MICU1: variants seen among roughly 807,000 people sequenced by gnomAD.
MICU1 encodes the protein calcium uptake protein 1, mitochondrial.
A neutral mutation model predicts 56.8 loss-of-function variants in MICU1; 45 were observed. The ratio of observed to expected loss-of-function variants is 0.79; its 90% confidence interval spans 0.62 to 1.02. The LOEUF (loss-of-function observed/expected upper bound fraction) is 1.02, where lower values mean the gene tolerates loss of function less well. Ranked by LOEUF, MICU1 falls within the 50% of genes least tolerant of loss-of-function variation. The pLI is 0.00. For missense variants in MICU1, 504 were observed against 587.1 expected, an observed-to-expected ratio of 0.86 and a Z score of 1.46; for synonymous variants, 186 against 195.1, an observed-to-expected ratio of 0.95 and a Z score of 0.39.
chr10:72,473,379 TGA>T, intron 8 of MICU1: 1 of 152,354 alleles, frequency 6.6e-6, no homozygotes, highest in African/African-American at 2.4e-5. Flanking sequence ...GCAGTCTCAC[TGA>T]GAGCTTTTGC....
At chr10:72,549,313 C>T (rs1471301434) in intron 4 of MICU1, among the ~76,000 whole-genome samples, 1 of 151,660 alleles carries the variant, frequency 6.6e-6, no homozygotes, top group Non-Finnish European at 1.5e-5. Flanking sequence ...ACCTCCGCCT[C>T]CCAAGTAGCT....
intron 10 of MICU1, among the ~76,000 whole-genome samples, chr10:72,387,596 G>C (rs1370581575): frequency 6.6e-6 from 1 of 152,006 alleles, no homozygotes; most frequent in Non-Finnish European, 1.5e-5. Flanking sequence ...GCTTCTGAAG[G>C]CAGAGACACC....
At chr10:72,415,960 C>T (rs1863969680) in intron 9 of MICU1, among the ~76,000 whole-genome samples, 1 of 152,108 alleles carries the variant, frequency 6.6e-6, no homozygotes, top group Non-Finnish European at 1.5e-5. Context: ...GATAATTCTA[C>T]CTAGTATCTA....
rs1867210641 is a variant in MICU1, at chr10:72,505,364, G to A, written c.652+2791C>T. On this transcript the variant is annotated intron_variant, in intron 6 of 11. Coordinates refer to ENST00000361114, the MANE Select transcript of MICU1 (RefSeq NM_001195518.2). ...GGGAATCCTCATACACTGTTGGTGGGAATGTAAATCACTTCAGCCACTGTG... is the reference window on the plus strand; with the variant it reads ...GGGAATCCTCATACACTGTTGGTGGAAATGTAAATCACTTCAGCCACTGTG... Among the ~76,000 whole-genome samples, 3 of 152,112 alleles carry A rather than the reference G, an allele frequency of 2.0e-5. No homozygotes were observed. In the South Asian group the frequency reaches 6.2e-4, roughly 32 times the overall value.
rs533702573 is a variant in MICU1 at position 72,562,147 on chromosome 10, C to CTTTTTTTTT, written c.330+739_330+747dup. On this transcript the variant is annotated intron_variant, in intron 3 of 11. Coordinates refer to ENST00000361114, the MANE Select transcript of MICU1 (RefSeq NM_001195518.2). ...GCAGGTTGTGTTAATTACATAAAAT[C>CTTTTTTTTT]TTTTTTTTTTTTTTTTTTTTTTTTG... Among the ~76,000 whole-genome samples the CTTTTTTTTT allele has an allele frequency of 9.2e-4, 76 of 82,650 alleles. 5 individuals are homozygous for CTTTTTTTTT. The highest frequency in any genetic ancestry group is 1.4e-3 in the South Asian group (3 of 2,114). The allele number at this position is 82,650 out of a possible 152,430, so 54.2% of individuals were successfully genotyped here. A position where few individuals can be genotyped will look rare whatever the true frequency, so the allele number is the denominator to read the frequency against.
At chr10:72,504,067 T>C (rs1430892957) in intron 6 of MICU1, among the ~76,000 whole-genome samples, 2 of 152,160 alleles carry the variant, frequency 1.3e-5, no homozygotes, top group African/African-American at 4.8e-5. Flanking sequence ...CCCAAAGGAA[T>C]CTACAGATTC....
chr10:72,559,543 G>C (rs552519475), intron 3 of MICU1, among the ~76,000 whole-genome samples: 3 of 151,962 alleles, frequency 2.0e-5, no homozygotes, highest in Non-Finnish European at 4.4e-5. Flanking sequence ...AAAAATGAGA[G>C]GGCCGGGCAC....
At chr10:72,521,588 C>G (rs918397888) in intron 5 of MICU1, among the ~76,000 whole-genome samples, 5 of 151,998 alleles carry the variant, frequency 3.3e-5, no homozygotes, top group African/African-American at 9.7e-5. Flanking sequence ...TGGATAAGAA[C>G]ACTCAGGGTT....
intron 9 of MICU1, among the ~76,000 whole-genome samples, chr10:72,420,651 T>A (rs1864127896): frequency 6.6e-6 from 1 of 151,766 alleles, no homozygotes; most frequent in Non-Finnish European, 1.5e-5. Flanking sequence ...TGTGTGTTTA[T>A]GTGTGTGTGT....
intron 1 of MICU1, among the ~76,000 whole-genome samples, chr10:72,624,333 T>A (rs1842179416): frequency 6.6e-6 from 1 of 152,146 alleles, no homozygotes; most frequent in East Asian, 1.9e-4. Flanking sequence ...TAGCCAGGAC[T>A]ACAGGCATGC....
At chr10:72,386,546 C>A (rs1862895498) in intron 10 of MICU1, among the ~76,000 whole-genome samples, 1 of 147,786 alleles carries the variant, frequency 6.8e-6, no homozygotes, top group Non-Finnish European at 1.5e-5. Flanking sequence ...ATCCCTCATC[C>A]CCCGCCACCT....
chr10:72,504,471 T>TA (rs1365957202), intron 6 of MICU1, among the ~76,000 whole-genome samples: 2 of 152,076 alleles, frequency 1.3e-5, no homozygotes, highest in Non-Finnish European at 2.9e-5. Context: ...TATACAAAAA[T>TA]TAACTCAAGA....
rs144440487 is a variant in MICU1, at chr10:72,508,120, C to T, written c.652+35G>A. 741 of 1,108,640 alleles carry T rather than the reference C, an allele frequency of 6.7e-4. 5 individuals carry two copies. In the African/African-American group the frequency reaches 0.011, roughly 16 times the overall value. The allele number at this position is 1,108,640 out of a possible 1,614,324, so 68.7% of individuals were successfully genotyped here. A position where few individuals can be genotyped will look rare whatever the true frequency, so the allele number is the denominator to read the frequency against. The stretch of plus-strand genomic sequence containing the variant: ...AATTATGTTTATAGTCCTGTATCTG[C>T]TCTACAAATGGAAAAAGAAAACGTT... On this transcript the variant is annotated intron_variant, in intron 6 of 11. Transcript: ENST00000361114.
At chr10:72,399,189 A>G (rs926200468) in intron 10 of MICU1, among the ~76,000 whole-genome samples, 2 of 152,172 alleles carry the variant, frequency 1.3e-5, no homozygotes, top group South Asian at 2.1e-4. Context: ...GGAAACCATC[A>G]TTCTGAGCAA....
intron 8 of MICU1, among the ~76,000 whole-genome samples, chr10:72,471,930 T>TTGTGTGTG (rs58543867): frequency 0.046 from 6,919 of 150,346 alleles, 461 homozygotes; most frequent in African/African-American, 0.15. Flanking sequence ...CACTATGCCT[T>TTGTGTGTG]TGTGTGTGTG....
At chr10:72,411,503 A>AT (rs984335094) in intron 9 of MICU1, among the ~76,000 whole-genome samples, 97 of 149,446 alleles carry the variant, frequency 6.5e-4, no homozygotes, top group African/African-American at 2.1e-3. Flanking sequence ...AATTTTTTGT[A>AT]TTTTTTTTTA....
chr10:72,576,742 A>G (rs950069262), intron 1 of MICU1, among the ~76,000 whole-genome samples: 3 of 152,208 alleles, frequency 2.0e-5, no homozygotes, highest in African/African-American at 7.2e-5. Flanking sequence ...TAGGACTTTC[A>G]CAGCTAGAGA....
intron 6 of MICU1, among the ~76,000 whole-genome samples, chr10:72,478,918 A>G (rs914079851): frequency 1.3e-5 from 2 of 152,196 alleles, no homozygotes; most frequent in African/African-American, 4.8e-5. Flanking sequence ...TACAGGTGTG[A>G]GCCACCATGA....
chr10:72,475,787 C>T (rs1040943149), intron 7 of MICU1: 16 of 452,478 alleles, frequency 3.5e-5, no homozygotes, highest in South Asian at 1.7e-4. Flanking sequence ...TTGAAGCACA[C>T]GGAATTAAAT....
Sources: allele counts gnomAD v4.1 joint callset (sites outside exome capture counted in the v4.1 genomes callset), GRCh38; gene constraint gnomAD v4.1.1; transcripts MANE v1.5; gene names NCBI Gene and HGNC (gene_info 2026-07-23, HGNC 2026-07-21).